Variants in SGCZ observed in about 807,000 individuals in gnomAD.
SGCZ encodes the protein zeta-sarcoglycan.
A neutral mutation model predicts 41.3 loss-of-function variants in SGCZ; 40 were observed. The ratio of observed to expected loss-of-function variants is 0.97; its 90% confidence interval spans 0.75 to 1.26. The LOEUF (loss-of-function observed/expected upper bound fraction) is 1.26. Among genes scored for constraint, SGCZ ranks in the 50% most tolerant of loss-of-function variants. The probability of loss-of-function intolerance (pLI) is 0.00; values close to 1 mark genes in which losing one functional copy is unlikely to be tolerated. For missense variants in SGCZ, 552 were observed against 369.8 expected (o/e 1.49, Z -4.04); for synonymous variants, 206 against 137.5 (o/e 1.50, Z -3.49).
intron 1 of SGCZ, among the ~76,000 whole-genome samples, chr8:14,876,224 T>C (rs923524805): frequency 5.3e-5 from 8 of 151,938 alleles, no homozygotes; most frequent in African/African-American, 1.7e-4. Context: ...TAAAAATACA[T>C]AGAAAGTAAA....
chr8:14,318,607 G>A (rs989963344), intron 3 of SGCZ, among the ~76,000 whole-genome samples: 4 of 151,804 alleles, frequency 2.6e-5, no homozygotes, highest in Admixed American at 2.6e-4. Flanking sequence ...TACACCATTG[G>A]AAGTATTCTA....
rs149994973 is a variant in SGCZ at position 15,175,219 on chromosome 8, G to A, written c.39+62366C>T. On this transcript the variant is annotated intron_variant, in intron 1 of 7. Transcript: ENST00000382080. ...GGAATGTAAATCATTCTATTGTAAA[G>A]ACACATGCATGCTTGTGTTCACTGC... 5.5e-3 allele frequency among the ~76,000 whole-genome samples: 834 copies of A among 152,224 alleles called. 4 individuals carry two copies. Among genetic ancestry groups the A allele is most frequent in the African/African-American group, 0.019 (795 of 41,532 alleles).
At chr8:14,856,104 T>C (rs1175467423) in intron 1 of SGCZ, among the ~76,000 whole-genome samples, 1 of 152,170 alleles carries the variant, frequency 6.6e-6, no homozygotes, top group Non-Finnish European at 1.5e-5. Context: ...AATATTTAGG[T>C]CGAGGATAGG....
At chr8:14,586,473 A>G (rs1274122121) in intron 1 of SGCZ, among the ~76,000 whole-genome samples, 1 of 152,176 alleles carries the variant, frequency 6.6e-6, no homozygotes, top group African/African-American at 2.4e-5. Flanking sequence ...TAGGCTTTCC[A>G]AAGTGTTGGG....
At chr8:14,976,309 C>A (rs1425160097) in intron 1 of SGCZ, among the ~76,000 whole-genome samples, 1 of 151,912 alleles carries the variant, frequency 6.6e-6, no homozygotes, top group African/African-American at 2.4e-5. Context: ...AGGTGTCAGC[C>A]ACCGCGCCTG....
intron 1 of SGCZ, among the ~76,000 whole-genome samples, chr8:14,564,754 G>A (rs1510430): frequency 0.14 from 21,800 of 152,112 alleles, 1,669 homozygotes; most frequent in East Asian, 0.33. Flanking sequence ...TTCCATACCA[G>A]AAAGGCATTT....
chr8:15,095,249 C>G (rs1209338082), intron 1 of SGCZ, among the ~76,000 whole-genome samples: 1 of 152,106 alleles, frequency 6.6e-6, no homozygotes, highest in Admixed American at 6.5e-5. Flanking sequence ...CAGTCATGTG[C>G]CATCACCCCT....
chr8:15,024,762 C>G (rs1803385751), intron 1 of SGCZ, among the ~76,000 whole-genome samples: 1 of 151,906 alleles, frequency 6.6e-6, no homozygotes, highest in South Asian at 2.1e-4. Flanking sequence ...TGGTGAAACC[C>G]CATCTCTACT....
chr8:14,130,218 G>A (rs781472045), intron 5 of SGCZ, among the ~76,000 whole-genome samples: 11 of 151,750 alleles, frequency 7.2e-5, no homozygotes, highest in Non-Finnish European at 1.3e-4. Context: ...GTCTATTCAT[G>A]TATATAAACA....
At chr8:14,147,616 G>A (rs1299484974) in intron 5 of SGCZ, among the ~76,000 whole-genome samples, 1 of 152,058 alleles carries the variant, frequency 6.6e-6, no homozygotes, top group Non-Finnish European at 1.5e-5. Flanking sequence ...ACGATAACTG[G>A]AAACTTTAAC....
rs186457577 is a variant in SGCZ at position 14,838,038 on chromosome 8, C to A, written c.40-283112G>T. Among the ~76,000 whole-genome samples the A allele has an allele frequency of 2.6e-5, 4 of 152,094 alleles. No homozygotes were observed. The East Asian group carries it at 7.7e-4, about 29-fold the overall frequency. On this transcript the variant is annotated intron_variant, in intron 1 of 7. Coordinates refer to ENST00000382080, the MANE Select transcript of SGCZ (RefSeq NM_139167.4). ...AAAAGAACAAAATCCTATCATTTGC[C>A]ACGACGTGGACAGAAATGGAGTACA...
intron 4 of SGCZ, among the ~76,000 whole-genome samples, chr8:14,173,766 G>A (rs1345523242): frequency 3.3e-5 from 5 of 152,006 alleles, no homozygotes; most frequent in East Asian, 3.9e-4. Context: ...GAAACAGAGC[G>A]AGATGATAGA....
At chr8:14,203,914 G>A (rs74982119) in intron 4 of SGCZ, among the ~76,000 whole-genome samples, 6,441 of 151,576 alleles carry the variant, frequency 0.042, 158 homozygotes, top group Middle Eastern at 0.075. Flanking sequence ...CAAAAAGAAA[G>A]AATAATATTC....
chr8:14,748,723 A>G (rs569538397), intron 1 of SGCZ, among the ~76,000 whole-genome samples: 29 of 152,002 alleles, frequency 1.9e-4, no homozygotes, highest in African/African-American at 6.3e-4. Flanking sequence ...TTAAATGGCT[A>G]TACATCAAAA....
intron 1 of SGCZ, among the ~76,000 whole-genome samples, chr8:14,762,969 C>A (rs1393465232): frequency 6.6e-6 from 1 of 152,212 alleles, no homozygotes. Flanking sequence ...GTCTGAACTT[C>A]AGCACCCTGA....
Position 14,899,744 on chromosome 8 carries a change from T to C in SGCZ, c.39+337841A>G, listed in dbSNP as rs559498923. On this transcript the variant is annotated intron_variant, in intron 1 of 7. Coordinates refer to ENST00000382080, the MANE Select transcript of SGCZ (RefSeq NM_139167.4). ...GTAGAAGAATATACCAGCCTATACC[T>C]CAAAATGAGGATGGAAGGAGAGAAG... Among the ~76,000 whole-genome samples the C allele has an allele frequency of 2.0e-5, 3 of 150,570 alleles. No individual in the cohort carries two copies. In the East Asian group the frequency reaches 5.9e-4, roughly 29 times the overall value.
intron 2 of SGCZ, among the ~76,000 whole-genome samples, chr8:14,536,831 G>C (rs1803311529): frequency 6.6e-6 from 1 of 151,828 alleles, no homozygotes; most frequent in African/African-American, 2.4e-5. Context: ...CCACAAAAAA[G>C]AAAATAGCAA....
At chr8:14,120,487 T>C (rs1802664462) in intron 5 of SGCZ, among the ~76,000 whole-genome samples, 1 of 152,140 alleles carries the variant, frequency 6.6e-6, no homozygotes, top group South Asian at 2.1e-4. Flanking sequence ...AAAAGTACAA[T>C]GTGGTTTTAT....
intron 4 of SGCZ, among the ~76,000 whole-genome samples, chr8:14,166,052 A>G (rs756177165): frequency 4.6e-5 from 7 of 152,254 alleles, no homozygotes; most frequent in South Asian, 2.1e-4. Context: ...TCCAAAAGCC[A>G]TATGTATTTT....
Sources: allele counts gnomAD v4.1 joint callset (sites outside exome capture counted in the v4.1 genomes callset), GRCh38; gene constraint gnomAD v4.1.1; transcripts MANE v1.5; gene names NCBI Gene and HGNC (gene_info 2026-07-23, HGNC 2026-07-21).